Variants in PLEKHG1 observed in about 807,000 individuals in gnomAD.
PLEKHG1 encodes the protein pleckstrin homology and RhoGEF domain containing G1.
In PLEKHG1, 44 loss-of-function variants were observed where a neutral mutation model predicts 100.8. The ratio of observed to expected loss-of-function variants is 0.44; its 90% confidence interval spans 0.34 to 0.56. The LOEUF (loss-of-function observed/expected upper bound fraction) is 0.56. PLEKHG1 is among the 20% of genes least tolerant of loss of function. PLEKHG1 has a pLI of 0.01. For synonymous variants in PLEKHG1, 640 were observed against 662.5 expected (o/e 0.97, Z 0.52); for missense variants, 1,545 against 1,720.9 (o/e 0.90, Z 1.81).
At chr6:150,668,618 A>G (rs1779485522) in intron 3 of PLEKHG1, among the ~76,000 whole-genome samples, 1 of 152,062 alleles carries the variant, frequency 6.6e-6, no homozygotes, top group Non-Finnish European at 1.5e-5. Flanking sequence ...TCCACATTCC[A>G]CTCAGCTGGG....
At chr6:150,772,349 G>C (rs1784754532) in intron 3 of PLEKHG1, among the ~76,000 whole-genome samples, 3 of 152,212 alleles carry the variant, frequency 2.0e-5, no homozygotes, top group African/African-American at 7.2e-5. Flanking sequence ...ATATATACAA[G>C]TATTTATTTA....
At chr6:150,761,099 CT>C (rs35068801) in intron 2 of PLEKHG1, among the ~76,000 whole-genome samples, 1,557 of 95,924 alleles carry the variant, frequency 0.016, 2 homozygotes, top group African/African-American at 0.054. Context: ...TTCTTTTTTT[CT>C]TTTTTTTTTT....
chr6:150,817,771 T>C (rs1470449294), intron 10 of PLEKHG1, among the ~76,000 whole-genome samples: 3 of 152,116 alleles, frequency 2.0e-5, no homozygotes, highest in Non-Finnish European at 4.4e-5. Context: ...TTGGCCAGGC[T>C]GGTCTTGAAC....
At chr6:150,615,785 A>C (rs1777052246) in intron 1 of PLEKHG1, among the ~76,000 whole-genome samples, 1 of 152,180 alleles carries the variant, frequency 6.6e-6, no homozygotes, top group South Asian at 2.1e-4. Flanking sequence ...TATGGTTCCC[A>C]TTGGCCTCCT....
At chr6:150,677,283 T>TACACACACAC (rs756621195) in intron 3 of PLEKHG1, among the ~76,000 whole-genome samples, 6 of 134,264 alleles carry the variant, frequency 4.5e-5, no homozygotes, top group African/African-American at 1.5e-4. Context: ...TTTCTTCCCC[T>TACACACACAC]ATACACACAC....
rs760559565 is a variant in PLEKHG1 at position 150,809,087 on chromosome 6, G to A, written c.913-18G>A. ...GCTTCTGCCTCCTGTAAATGCCATGGCCCATTCCCTTTCTCAGGAGATACA... is the reference window on the plus strand; with the variant it reads ...GCTTCTGCCTCCTGTAAATGCCATGACCCATTCCCTTTCTCAGGAGATACA... On this transcript the variant is annotated intron_variant, in intron 7 of 15. Coordinates refer to ENST00000358517, the Ensembl canonical transcript of PLEKHG1. 1 of 1,607,174 alleles carries A rather than the reference G, an allele frequency of 6.2e-7. No individual in the cohort carries two copies. Among genetic ancestry groups the A allele is most frequent in the Non-Finnish European group, 8.5e-7 (1 of 1,174,666 alleles).
Position 150,603,079 on chromosome 6 carries a change from C to CA in PLEKHG1, c.-204+3076dup, listed in dbSNP as rs71554469. Among the ~76,000 whole-genome samples the CA allele has an allele frequency of 6.2e-3, 439 of 70,278 alleles. 29 individuals are homozygous for CA. The highest frequency in any genetic ancestry group is 0.024 in the Middle Eastern group (2 of 84). 46.1% of individuals were successfully genotyped at this position (70,278 alleles called of 152,430 possible). ...CCTGGGCGACAGCGAGACTCCGTCT[C>CA]AAAAAAAAAAAAAATAAAAAAAAAG... On this transcript the variant is annotated intron_variant, in intron 1 of 3. Coordinates refer to the PLEKHG1 transcript ENST00000367326.
chr6:150,830,760 A>G lies in PLEKHG1; in HGVS notation c.1649A>G (p.Gln550Arg), dbSNP rs145433805. Residue 550 changes from glutamine to arginine, a missense_variant, in exon 15 of 16, where the codon CAG (glutamine) becomes CGG (arginine). Gln to Arg is a conservative substitution (Grantham distance 43). Transcript: ENST00000358517. Reference sequence around the variant, plus strand: ...TTGTTTCCCAGCCGACGGTCCCCGCAGGAGAATGAGGATGATGAAGATGAT... The same window carrying G: ...TTGTTTCCCAGCCGACGGTCCCCGCGGGAGAATGAGGATGATGAAGATGAT... 1.4e-3 allele frequency: 2,304 copies of G among 1,614,178 alleles called. 3 individuals carry two copies. The highest frequency in any genetic ancestry group is 1.8e-3 in the Non-Finnish European group (2,137 of 1,180,000).
chr6:150,669,096 TC>T (rs965046230), intron 3 of PLEKHG1, among the ~76,000 whole-genome samples: 1 of 152,152 alleles, frequency 6.6e-6, no homozygotes, highest in Non-Finnish European at 1.5e-5. Flanking sequence ...TAAAATAAGA[TC>T]CCTGTAAACA....
intron 3 of PLEKHG1, among the ~76,000 whole-genome samples, chr6:150,670,166 A>C (rs537381958): frequency 8.0e-4 from 122 of 152,278 alleles, no homozygotes; most frequent in African/African-American, 2.8e-3. Flanking sequence ...ATTTTCACAT[A>C]TGTTTATGTT....
chr6:150,623,659 A>G lies in PLEKHG1; in HGVS notation c.-203-14421A>G, dbSNP rs565189638. Among the ~76,000 whole-genome samples, 31 of 152,300 alleles carry G rather than the reference A, an allele frequency of 2.0e-4. 1 individual carries two copies. The highest frequency in any genetic ancestry group is 6.5e-4 in the Admixed American group (10 of 15,302). ...AGGCCCCCCACGTGTGCACTGTACA[A>G]TTGTGGTGCTCTTTTTCAGCCTATT... On this transcript the variant is annotated intron_variant, in intron 1 of 3. Transcript: ENST00000367326.
chr6:150,689,129 G>A lies in PLEKHG1; in HGVS notation c.-99+38343G>A, dbSNP rs147827936. ...TGGGAATTTACTAGACATTTTGTAT[G>A]AGTGGAATTATCTAATATTTGTCCT... On this transcript the variant is annotated intron_variant, in intron 3 of 3. Transcript: ENST00000367326. Among the ~76,000 whole-genome samples the A allele has an allele frequency of 1.3e-3, 197 of 152,284 alleles. 1 individual carries two copies. Among genetic ancestry groups the A allele is most frequent in the African/African-American group, 4.5e-3 (186 of 41,564 alleles).
Position 150,809,097 on chromosome 6 carries a change from T to C in PLEKHG1, c.913-8T>C. 1 of 1,610,288 alleles carries C rather than the reference T, an allele frequency of 6.2e-7. No homozygotes were observed. The highest frequency in any genetic ancestry group is 1.1e-5 in the South Asian group (1 of 90,952). Reference sequence around the variant, plus strand: ...CCTGTAAATGCCATGGCCCATTCCCTTTCTCAGGAGATACAGAGTTTGCTC... The same window carrying C: ...CCTGTAAATGCCATGGCCCATTCCCCTTCTCAGGAGATACAGAGTTTGCTC... On this transcript the variant is annotated splice_region_variant and splice_polypyrimidine_tract_variant and intron_variant, in intron 7 of 15. Coordinates refer to ENST00000358517, the Ensembl canonical transcript of PLEKHG1.
chr6:150,808,469 G>T (rs924570166), intron 7 of PLEKHG1, among the ~76,000 whole-genome samples: 1 of 152,072 alleles, frequency 6.6e-6, no homozygotes, highest in Non-Finnish European at 1.5e-5. Context: ...AAGGGAAGGG[G>T]CCGGGTGCGG....
intron 2 of PLEKHG1, among the ~76,000 whole-genome samples, chr6:150,758,880 A>G (rs1474045907): frequency 1.3e-5 from 2 of 152,048 alleles, no homozygotes; most frequent in African/African-American, 4.8e-5. Context: ...ATTTGTCTTC[A>G]TTTCAGAATG....
chr6:150,612,653 C>A (rs916773737), intron 1 of PLEKHG1, among the ~76,000 whole-genome samples: 2 of 152,106 alleles, frequency 1.3e-5, no homozygotes, highest in Admixed American at 6.6e-5. Context: ...TTAATGAAGA[C>A]TTCTTCTAAC....
chr6:150,816,325 A>ATTTTT (rs1562546175), intron 10 of PLEKHG1, among the ~76,000 whole-genome samples: 9 of 49,704 alleles, frequency 1.8e-4, no homozygotes, highest in East Asian at 6.5e-4. Flanking sequence ...TCTCAAACAT[A>ATTTTT]CTTTTTTTTT....
chr6:150,627,004 G>A (rs144965739), intron 1 of PLEKHG1, among the ~76,000 whole-genome samples: 15 of 152,290 alleles, frequency 9.8e-5, no homozygotes, highest in Non-Finnish European at 1.2e-4. Flanking sequence ...AAAAAGGGGC[G>A]AGGGAAGGCC....
intron 3 of PLEKHG1, among the ~76,000 whole-genome samples, chr6:150,679,725 T>C (rs1231116027): frequency 6.6e-6 from 1 of 152,232 alleles, no homozygotes; most frequent in African/African-American, 2.4e-5. Flanking sequence ...ACACATGCGC[T>C]TTCCCTGCCA....
Sources: allele counts gnomAD v4.1 joint callset (sites outside exome capture counted in the v4.1 genomes callset), GRCh38; gene constraint gnomAD v4.1.1; transcripts MANE v1.5; gene names NCBI Gene and HGNC (gene_info 2026-07-23, HGNC 2026-07-21).